The following LURAP1L variants were observed in gnomAD, a reference collection of about 807,000 sequenced individuals.
The protein encoded by LURAP1L is leucine rich adaptor protein 1 like.
LURAP1L carries 12 observed loss-of-function variants against 13.8 expected under a neutral mutation model. That is an observed-to-expected ratio of 0.87 (90% CI 0.56 to 1.41). The LOEUF (loss-of-function observed/expected upper bound fraction) is 1.41, where lower values mean the gene tolerates loss of function less well. LURAP1L is among the 40% of genes most tolerant of loss of function. The pLI is 0.00. For synonymous variants in LURAP1L, 139 were observed against 119.2 expected, an observed-to-expected ratio of 1.17 and a Z score of -1.08; for missense variants, 375 against 292.9, an observed-to-expected ratio of 1.28 and a Z score of -2.04.
At chr9:12,777,060 A>G (rs1409718281) in intron 1 of LURAP1L, 2 of 201,172 alleles carry the variant, frequency 9.9e-6, no homozygotes, top group East Asian at 1.9e-4. Context: ...TCATTAAATT[A>G]ACTTCACAGT....
At chr9:12,777,109 A>G (rs1819196828) in intron 1 of LURAP1L, 1 of 421,166 alleles carries the variant, frequency 2.4e-6, no homozygotes. Context: ...GGAGATTTCT[A>G]TCACTCCGAC....
chr9:12,815,474 G>A (rs1382632918), intron 1 of LURAP1L, among the ~76,000 whole-genome samples: 7 of 152,136 alleles, frequency 4.6e-5, no homozygotes, highest in East Asian at 1.9e-4. Flanking sequence ...TAGGGTTAGA[G>A]CATCACATTA....
chr9:12,788,969 G>T (rs1198655778), intron 1 of LURAP1L, among the ~76,000 whole-genome samples: 1 of 151,060 alleles, frequency 6.6e-6, no homozygotes, highest in Non-Finnish European at 1.5e-5. Flanking sequence ...CAGGAGGCAG[G>T]GTCAGGAGGA....
intron 1 of LURAP1L, among the ~76,000 whole-genome samples, chr9:12,804,535 G>A (rs1173335992): frequency 6.6e-6 from 1 of 151,928 alleles, no homozygotes; most frequent in African/African-American, 2.4e-5. Context: ...TCGAAATGGA[G>A]TTTCACTATG....
At chr9:12,807,585 C>G (rs1819677175) in intron 1 of LURAP1L, among the ~76,000 whole-genome samples, 1 of 152,144 alleles carries the variant, frequency 6.6e-6, no homozygotes, top group Non-Finnish European at 1.5e-5. Context: ...AGGTGGGTTT[C>G]TAGTAGACAA....
At chr9:12,790,733 T>G (rs934167289) in intron 1 of LURAP1L, 1 of 151,028 alleles carries the variant, frequency 6.6e-6, no homozygotes. Context: ...AGTAGAGAAA[T>G]GAAAGGCAGT....
At chr9:12,792,220 A>T (rs1005856871) in intron 1 of LURAP1L, among the ~76,000 whole-genome samples, 1 of 152,136 alleles carries the variant, frequency 6.6e-6, no homozygotes, top group Non-Finnish European at 1.5e-5. Flanking sequence ...ATGTTAGATG[A>T]AGTAACAAAA....
Position 12,775,433 on chromosome 9 carries a change from T to C in LURAP1L, c.-283T>C. ...TCTGCAATATCAGTGAACTCAACTT[T>C]GCAGTGAGGTGGCCAAAAAGAGAGA... On this transcript the variant is annotated 5_prime_UTR_variant, in exon 1 of 2. Coordinates refer to ENST00000319264, the MANE Select transcript of LURAP1L (RefSeq NM_203403.2). The C allele has an allele frequency of 2.5e-6, 1 of 395,842 alleles. No homozygotes were observed. The highest frequency in any genetic ancestry group is 4.4e-6 in the Non-Finnish European group (1 of 226,026). 24.5% of individuals were successfully genotyped at this position (395,842 alleles called of 1,614,324 possible).
intron 1 of LURAP1L, among the ~76,000 whole-genome samples, chr9:12,776,818 G>A (rs894237080): frequency 1.3e-5 from 2 of 151,986 alleles, no homozygotes; most frequent in African/African-American, 2.4e-5. Context: ...ATAAGTACAA[G>A]GTCTAGGAAT....
Position 12,775,572 on chromosome 9 carries a change from T to C in LURAP1L, c.-144T>C, listed in dbSNP as rs1463936129. 5.2e-6 allele frequency: 7 copies of C among 1,352,140 alleles called. No homozygotes were observed. In the Admixed American group the frequency reaches 9.6e-5, roughly 19 times the overall value. 83.8% of individuals were successfully genotyped at this position (1,352,140 alleles called of 1,614,324 possible). ...TCAGGGCTGATACCGCATAGGCGGT[T>C]ATGGAAAGGACGGTACACCGGAGCG... On this transcript the variant is annotated 5_prime_UTR_variant, in exon 1 of 2. Transcript: ENST00000319264.
chr9:12,819,169 G>A (rs949765106), intron 1 of LURAP1L, among the ~76,000 whole-genome samples: 2 of 152,124 alleles, frequency 1.3e-5, no homozygotes, highest in African/African-American at 4.8e-5. Flanking sequence ...GTTCATGAAC[G>A]TCTCAGTGAA....
intron 1 of LURAP1L, among the ~76,000 whole-genome samples, chr9:12,783,706 T>C (rs191618129): frequency 6.6e-6 from 1 of 152,220 alleles, no homozygotes; most frequent in African/African-American, 2.4e-5. Flanking sequence ...ATCAGGGTAA[T>C]ACTGGCCTAA....
Position 12,822,448 on chromosome 9 carries a change from CCAA to C in LURAP1L, c.*689_*691del, listed in dbSNP as rs1341740645. Among the ~76,000 whole-genome samples, 2 of 151,980 alleles carry C rather than the reference CCAA, an allele frequency of 1.3e-5. No homozygotes were observed. Among genetic ancestry groups the C allele is most frequent in the East Asian group, 3.9e-4 (2 of 5,188 alleles). On this transcript the variant is annotated 3_prime_UTR_variant, in exon 2 of 2. Coordinates refer to ENST00000319264, the MANE Select transcript of LURAP1L (RefSeq NM_203403.2). Reference sequence around the variant, plus strand: ...TTGTGTAATAAAATGTATTATTCTCCCAAATTTCAAGGAATAATTGAGATTAAG... The same window carrying C: ...TTGTGTAATAAAATGTATTATTCTCCATTTCAAGGAATAATTGAGATTAAG...
At position 12,775,032 on chromosome 9, in the gene LURAP1L, C is replaced by T. The variant is rs1819145632; in HGVS notation, c.-684C>T. Reference sequence around the variant, plus strand: ...CTCAGAGGAACACAATGACTTGGATCAAACAGCCTAAATGGGAAGAAGGAC... The same window carrying T: ...CTCAGAGGAACACAATGACTTGGATTAAACAGCCTAAATGGGAAGAAGGAC... On this transcript the variant is annotated 5_prime_UTR_variant, in exon 1 of 2. Coordinates refer to ENST00000319264, the MANE Select transcript of LURAP1L (RefSeq NM_203403.2). 1 of 152,252 alleles carries T rather than the reference C, an allele frequency of 6.6e-6. No homozygotes were observed. Among genetic ancestry groups the T allele is most frequent in the African/African-American group, 2.4e-5 (1 of 41,432 alleles). 9.4% of individuals were successfully genotyped at this position (152,252 alleles called of 1,614,324 possible).
chr9:12,810,919 A>G (rs1368892482), intron 1 of LURAP1L, among the ~76,000 whole-genome samples: 1 of 152,240 alleles, frequency 6.6e-6, no homozygotes, highest in Non-Finnish European at 1.5e-5. Flanking sequence ...TAAGCATCAT[A>G]AAGTATTTCA....
At chr9:12,792,897 C>G (rs554807607) in intron 1 of LURAP1L, among the ~76,000 whole-genome samples, 1 of 151,982 alleles carries the variant, frequency 6.6e-6, no homozygotes, top group South Asian at 2.1e-4. Context: ...AGTACTAGTT[C>G]CAATTATTCC....
chr9:12,778,826 G>A (rs1056603459), intron 1 of LURAP1L, among the ~76,000 whole-genome samples: 6 of 152,202 alleles, frequency 3.9e-5, no homozygotes, highest in Non-Finnish European at 8.8e-5. Flanking sequence ...CCTAATGTCA[G>A]GTAGTCCAGG....
chr9:12,793,945 T>A (rs1378513842), intron 1 of LURAP1L, among the ~76,000 whole-genome samples: 2 of 152,132 alleles, frequency 1.3e-5, no homozygotes, highest in African/African-American at 4.8e-5. Context: ...TGCCGCTTTC[T>A]GTGTTAGAGG....
chr9:12,801,909 A>G (rs947352509), intron 1 of LURAP1L, among the ~76,000 whole-genome samples: 38 of 152,306 alleles, frequency 2.5e-4, no homozygotes, highest in African/African-American at 9.1e-4. Flanking sequence ...CCTCTGATTG[A>G]AAAATGGAAA....
Sources: allele counts gnomAD v4.1 joint callset (sites outside exome capture counted in the v4.1 genomes callset), GRCh38; gene constraint gnomAD v4.1.1; transcripts MANE v1.5; gene names NCBI Gene and HGNC (gene_info 2026-07-23, HGNC 2026-07-21).